FBN1: variants seen among roughly 807,000 people sequenced by gnomAD.
FBN1 encodes the protein fibrillin-1.
A neutral mutation model predicts 365.1 loss-of-function variants in FBN1; 29 were observed. The ratio of observed to expected loss-of-function variants is 0.08; its 90% CI spans 0.06 to 0.11. FBN1 has a LOEUF of 0.11. FBN1 is among the 10% of genes least tolerant of loss of function. FBN1 has a pLI of 1.00. For synonymous variants in FBN1, 1,210 were observed against 1,270.5 expected, an observed-to-expected ratio of 0.95 and a Z score of 1.01; for missense variants, 2,476 against 3,703.2, an observed-to-expected ratio of 0.67 and a Z score of 8.60.
At chr15:48,422,880 T>C (rs1365829103) in intron 60 of FBN1, among the ~76,000 whole-genome samples, 2 of 152,026 alleles carry the variant, frequency 1.3e-5, no homozygotes, top group African/African-American at 4.8e-5. Flanking sequence ...TGAGCTGAGA[T>C]CGCACCACTG....
intron 50 of FBN1, among the ~76,000 whole-genome samples, chr15:48,440,614 T>A (rs2043104959): frequency 6.6e-6 from 1 of 152,208 alleles, no homozygotes; most frequent in Admixed American, 6.5e-5. Flanking sequence ...CTCTCCTTCT[T>A]ACTTCCCAAA....
intron 6 of FBN1, among the ~76,000 whole-genome samples, chr15:48,541,983 T>C (rs1485403461): frequency 2.0e-5 from 3 of 152,210 alleles, no homozygotes; most frequent in South Asian, 4.1e-4. Context: ...ACTGGCTTAC[T>C]CCAGTGTGGC....
At chr15:48,481,833 C>T in intron 31 of FBN1, 53 bp from the exon 32 acceptor site, 1 of 1,533,254 alleles carries the variant, frequency 6.5e-7, no homozygotes, top group Non-Finnish European at 9.0e-7. Flanking sequence ...TCATTGAGTA[C>T]TTTCCCCTCG....
intron 2 of FBN1, among the ~76,000 whole-genome samples, chr15:48,636,152 T>A (rs1246298143): frequency 6.6e-6 from 1 of 152,198 alleles, no homozygotes; most frequent in Non-Finnish European, 1.5e-5. Flanking sequence ...ATGACTTGGA[T>A]GGAATTCCAG....
chr15:48,456,747 C>T lies in FBN1; in HGVS notation c.5312G>A (p.Arg1771Gln), dbSNP rs759791896. The T allele has an allele frequency of 1.2e-5, 20 of 1,613,394 alleles. No individual in the cohort carries two copies. The highest frequency in any genetic ancestry group is 6.7e-5 in the Admixed American group (4 of 59,958). Residue 1771 changes from arginine to glutamine, a missense_variant, in exon 44 of 66, where the codon CGG (arginine) becomes CAG (glutamine). Arg to Gln is a conservative substitution (Grantham distance 43, BLOSUM62 1). Around this residue, in one of 5 missense-constraint regions of FBN1, gnomAD observed 1,780 missense variants for 2,840.8 expected, o/e 0.63. Transcript: ENST00000316623. ...ATTTTCACAGACCCCTGGGATCTCC[C>T]GGCACTCATCAATATCTAGAGACAG... Reference protein sequence around the residue: ...TGLPVDIDECREIPGVCENGV... With the variant: ...TGLPVDIDECQEIPGVCENGV...
rs1468589831 is a variant in FBN1, at chr15:48,437,303, T to C, written c.6379+19A>G. The C allele has an allele frequency of 6.2e-7, 1 of 1,600,318 alleles. No homozygotes were observed. Among genetic ancestry groups the C allele is most frequent in the Non-Finnish European group, 8.6e-7 (1 of 1,167,842 alleles). ...TGAGAATACTGAGAAATGCTGAGAA[T>C]CCAGCACAGGCAACTGACCAACTGC... On this transcript the variant is annotated intron_variant, in intron 52 of 65. Transcript: ENST00000316623.
chr15:48,633,676 G>C (rs931852826), intron 2 of FBN1, among the ~76,000 whole-genome samples: 5 of 152,164 alleles, frequency 3.3e-5, no homozygotes, highest in Non-Finnish European at 5.9e-5. Context: ...TGACCGCTGA[G>C]AGAGTAATCA....
intron 6 of FBN1, among the ~76,000 whole-genome samples, chr15:48,551,805 T>C (rs1043932463): frequency 5.3e-5 from 8 of 152,202 alleles, no homozygotes; most frequent in Non-Finnish European, 8.8e-5. Flanking sequence ...TTGCTAAGTA[T>C]AGTGGCCTCT....
chr15:48,530,469 C>T (rs1020258162), intron 8 of FBN1, among the ~76,000 whole-genome samples: 12 of 152,162 alleles, frequency 7.9e-5, no homozygotes, highest in Non-Finnish European at 1.6e-4. Flanking sequence ...TATCTAAGAT[C>T]ACACAAAGCA....
intron 27 of FBN1, among the ~76,000 whole-genome samples, chr15:48,487,789 C>G (rs947039251): frequency 1.3e-5 from 2 of 152,194 alleles, no homozygotes; most frequent in Admixed American, 6.5e-5. Context: ...TACCAATCAC[C>G]TTTTCTAGAA....
Position 48,621,581 on chromosome 15 carries a change from A to T in FBN1, c.165-8489T>A, listed in dbSNP as rs566687357. Among the ~76,000 whole-genome samples the T allele has an allele frequency of 2.6e-5, 4 of 152,346 alleles. No homozygotes were observed. In the South Asian group the frequency reaches 8.3e-4, roughly 32 times the overall value. On this transcript the variant is annotated intron_variant, in intron 2 of 65. Transcript: ENST00000316623. ...GCTAAGTCAAGTCTAAGAAAACATG[A>T]CTACTAAATGCAGTGTGGTATCCTA...
At chr15:48,488,522 A>G in intron 25 of FBN1, 29 bp from the exon 26 acceptor site, 1 of 1,609,736 alleles carries the variant, frequency 6.2e-7, no homozygotes, top group Non-Finnish European at 8.5e-7. Flanking sequence ...GTGGGGCAAA[A>G]TAAGTTTATG....
chr15:48,482,063 T>C (rs934453317), intron 31 of FBN1, among the ~76,000 whole-genome samples: 2 of 152,186 alleles, frequency 1.3e-5, no homozygotes, highest in African/African-American at 4.8e-5. Flanking sequence ...TGTGACAGTC[T>C]AGAAAACTTT....
chr15:48,522,603 A>G (rs891944644), intron 9 of FBN1, among the ~76,000 whole-genome samples: 10 of 152,226 alleles, frequency 6.6e-5, no homozygotes, highest in Non-Finnish European at 1.5e-4. Flanking sequence ...AAAGAGGGTC[A>G]TACCTGTAAT....
intron 10 of FBN1, among the ~76,000 whole-genome samples, chr15:48,519,567 T>A (rs1332978191): frequency 6.6e-6 from 1 of 152,178 alleles, no homozygotes; most frequent in Non-Finnish European, 1.5e-5. Flanking sequence ...CACTTCCAGC[T>A]GCAGGTACCT....
chr15:48,517,368 C>T (rs1213785457), intron 10 of FBN1, among the ~76,000 whole-genome samples: 1 of 152,130 alleles, frequency 6.6e-6, no homozygotes, highest in Non-Finnish European at 1.5e-5. Flanking sequence ...CTGAAGAATA[C>T]TGATTCGTAA....
In FBN1 at chr15:48,437,392, G is replaced by T. The variant is rs1437409365; in HGVS notation, c.6314-5C>A. The T allele has an allele frequency of 6.2e-7, 1 of 1,609,380 alleles. No homozygotes were observed. The highest frequency in any genetic ancestry group is 8.5e-7 in the Non-Finnish European group (1 of 1,176,072). ...GACATATCTGGCGGAAGGCCTCTGT[G>T]GTGGAGACACTCATTAATAGATAGA... is the stretch of plus-strand genomic sequence containing the variant. On this transcript the variant is annotated splice_polypyrimidine_tract_variant and splice_region_variant and intron_variant, in intron 51 of 65. Transcript: ENST00000316623.
intron 65 of FBN1, 115 bp from the exon 66 acceptor site, chr15:48,411,494 A>T: frequency 1.1e-6 from 1 of 901,976 alleles, no homozygotes; most frequent in Admixed American, 1.8e-5. Flanking sequence ...CTTATGCTGC[A>T]TACACAATAT....
intron 64 of FBN1, among the ~76,000 whole-genome samples, chr15:48,414,821 G>A (rs746132344): frequency 7.3e-5 from 11 of 151,028 alleles, no homozygotes; most frequent in Non-Finnish European, 1.2e-4. Flanking sequence ...GCGTGAACCC[G>A]GGAGGCAGAG....
Sources: gnomAD v4.1 joint callset for allele counts (sites outside exome capture counted in the v4.1 genomes callset) on GRCh38, gnomAD v4.1.1 for gene constraint, gnomAD v4.1.1 regional missense constraint, MANE v1.5 for transcripts, NCBI Gene and HGNC (gene_info 2026-07-23, HGNC 2026-07-21) for gene names.